Variants in DIAPH3 observed in about 807,000 individuals in gnomAD.
The protein encoded by DIAPH3 is protein diaphanous homolog 3.
A neutral mutation model predicts 144.3 loss-of-function variants in DIAPH3; 117 were observed. The observed-to-expected ratio is 0.81, with a 90% CI of 0.70 to 0.95. The LOEUF (loss-of-function observed/expected upper bound fraction) is 0.95, where lower values mean the gene tolerates loss of function less well. Ranked by LOEUF, DIAPH3 falls within the 40% of genes least tolerant of loss-of-function variation. DIAPH3 has a pLI of 0.00. For synonymous variants in DIAPH3, 519 were observed against 488.9 expected, an observed-to-expected ratio of 1.06 and a Z score of -0.81; for missense variants, 1,421 against 1,412.7, an observed-to-expected ratio of 1.01 and a Z score of -0.09.
At chr13:60,067,797 C>T (rs979242014) in intron 4 of DIAPH3, among the ~76,000 whole-genome samples, 2 of 152,080 alleles carry the variant, frequency 1.3e-5, no homozygotes, top group African/African-American at 4.8e-5. Flanking sequence ...CATAGCAACA[C>T]ACTTTTTTGC....
At chr13:59,869,897 G>A (rs860570) in intron 21 of DIAPH3, among the ~76,000 whole-genome samples, 102,001 of 152,006 alleles carry the variant, frequency 0.67, 35,915 homozygotes, top group East Asian at 0.89. Context: ...CCTTTATCAG[G>A]TATGTGTTTT....
At chr13:59,779,281 A>T (rs1457468989) in intron 25 of DIAPH3, among the ~76,000 whole-genome samples, 1 of 152,232 alleles carries the variant, frequency 6.6e-6, no homozygotes, top group East Asian at 1.9e-4. Context: ...TATTATATAC[A>T]TAATCATTCC....
Position 60,008,590 on chromosome 13 carries a change from A to C in DIAPH3, c.968T>G (p.Phe323Cys). ...SAGEEKKIDR[F>C]FCIVEGLRHN... Reference sequence around the variant, plus strand: ...CCGGAGGCCTTCCACAATACAAAAAAATCTGTCAATTTTTTTTTCTTCACC... The same window carrying C: ...CCGGAGGCCTTCCACAATACAAAAACATCTGTCAATTTTTTTTTCTTCACC... The change falls in exon 9 of 28, where the codon TTT (phenylalanine) becomes TGT (cysteine). Residue 323 changes from phenylalanine (F) to cysteine (C), a missense_variant. Transcript: ENST00000400324. 6.2e-7 allele frequency: 1 copy of C among 1,613,780 alleles called. No individual in the cohort carries two copies. The highest frequency in any genetic ancestry group is 1.3e-5 in the African/African-American group (1 of 75,012).
chr13:59,905,494 C>A (rs1023102035), intron 20 of DIAPH3, among the ~76,000 whole-genome samples: 4 of 152,006 alleles, frequency 2.6e-5, no homozygotes, highest in African/African-American at 9.7e-5. Flanking sequence ...TCTTCACTCT[C>A]AATTTATTTA....
intron 25 of DIAPH3, among the ~76,000 whole-genome samples, chr13:59,795,362 C>A (rs1411830796): frequency 2.6e-5 from 4 of 152,004 alleles, no homozygotes; most frequent in Admixed American, 1.3e-4. Flanking sequence ...TACTATAGGG[C>A]CTGGCCACCA....
chr13:59,987,927 T>TC lies in DIAPH3; in HGVS notation c.1361+3230dup, dbSNP rs369337967. 3.3e-3 allele frequency among the ~76,000 whole-genome samples: 502 copies of TC among 151,946 alleles called. 2 individuals carry two copies. Among genetic ancestry groups the TC allele is most frequent in the African/African-American group, 0.011 (462 of 41,526 alleles). ...GTACTATTCTAATGAAGCACAGTCC[T>TC]CCATCTCAGATCATCCCCTAGAACT... is the stretch of plus-strand genomic sequence containing the variant. On this transcript the variant is annotated intron_variant, in intron 12 of 27. Coordinates refer to ENST00000400324, the MANE Select transcript of DIAPH3 (RefSeq NM_001042517.2).
chr13:60,138,600 A>G (rs1201988104), intron 1 of DIAPH3, among the ~76,000 whole-genome samples: 1 of 152,248 alleles, frequency 6.6e-6, no homozygotes, highest in Non-Finnish European at 1.5e-5. Flanking sequence ...TACCAATTGC[A>G]TCATTTATTT....
intron 25 of DIAPH3, among the ~76,000 whole-genome samples, chr13:59,779,115 T>A (rs1211881442): frequency 6.6e-6 from 1 of 152,192 alleles, no homozygotes; most frequent in Admixed American, 6.5e-5. Context: ...TCCATCACTG[T>A]CCACCTGGAA....
rs925403345 is a variant in DIAPH3 at position 59,982,289 on chromosome 13, C to T, written c.1481-1430G>A. Among the ~76,000 whole-genome samples, 12 of 151,266 alleles carry T rather than the reference C, an allele frequency of 7.9e-5. No homozygotes were observed. In the Admixed American group the frequency reaches 7.9e-4, roughly 10 times the overall value. ...CTTCTCAAGAGCTCAGTGAAAAAAACCTCTCAGCTGCCATTCCTAAATGAC... is the reference window on the plus strand; with the variant it reads ...CTTCTCAAGAGCTCAGTGAAAAAAATCTCTCAGCTGCCATTCCTAAATGAC... On this transcript the variant is annotated intron_variant, in intron 13 of 27. Transcript: ENST00000400324.
intron 18 of DIAPH3, 80 bp downstream of exon 18, chr13:59,924,695 A>G (rs1198119624): frequency 6.6e-7 from 1 of 1,524,614 alleles, no homozygotes; most frequent in Non-Finnish European, 8.9e-7. Context: ...CAAATAATGA[A>G]TAATCGGTCT....
At chr13:60,010,480 T>C in intron 8 of DIAPH3, 53 bp downstream of exon 8, 1 of 1,483,166 alleles carries the variant, frequency 6.7e-7, no homozygotes. Context: ...ATTAAATGAA[T>C]CAATCTGTAT....
chr13:60,140,315 A>AT (rs1261445368), intron 1 of DIAPH3, among the ~76,000 whole-genome samples: 19 of 152,244 alleles, frequency 1.2e-4, no homozygotes, highest in Admixed American at 1.2e-3. Flanking sequence ...TAACCTAATA[A>AT]TTCTACTTCT....
rs35707483 is a variant in DIAPH3 at position 60,023,850 on chromosome 13, C to CTTTTTT, written c.627-7711_627-7706dup. Among the ~76,000 whole-genome samples, 37 of 68,886 alleles carry CTTTTTT rather than the reference C, an allele frequency of 5.4e-4. 1 individual carries two copies. Among genetic ancestry groups the CTTTTTT allele is most frequent in the South Asian group, 1.3e-3 (2 of 1,544 alleles). 45.2% of individuals were successfully genotyped at this position (68,886 alleles called of 152,430 possible). A position where few individuals can be genotyped will look rare whatever the true frequency, so the allele number is the denominator to read the frequency against. ...TTGCCAAATTTGGGGACTATTCAGC[C>CTTTTTT]TTTTTTTTTTTTTTTTTTTTTTTGA... On this transcript the variant is annotated intron_variant, in intron 5 of 27. Coordinates refer to ENST00000400324, the MANE Select transcript of DIAPH3 (RefSeq NM_001042517.2).
At position 59,839,493 on chromosome 13, in the gene DIAPH3, T is replaced by C. The variant is rs755557219; in HGVS notation, c.2738-45A>G. The stretch of plus-strand genomic sequence containing the variant: ...ATGCCCGGAAAGGACAAAATTATAA[T>C]ATATAAAAGGTAAGACACCCTAGAA... On this transcript the variant is annotated intron_variant, in intron 22 of 27. Coordinates refer to ENST00000400324, the MANE Select transcript of DIAPH3 (RefSeq NM_001042517.2). 1.1e-5 allele frequency: 18 copies of C among 1,592,492 alleles called. 1 individual carries two copies. Among genetic ancestry groups the C allele is most frequent in the Middle Eastern group, 3.4e-4 (2 of 5,970 alleles).
At chr13:59,724,071 A>G (rs342583) in intron 27 of DIAPH3, among the ~76,000 whole-genome samples, 111,771 of 151,896 alleles carry the variant, frequency 0.74, 41,454 homozygotes, top group East Asian at 0.88. Flanking sequence ...ACCAGCAAGT[A>G]TGGGTAGGGT....
intron 5 of DIAPH3, among the ~76,000 whole-genome samples, chr13:60,024,319 C>G (rs934905735): frequency 6.6e-6 from 1 of 152,126 alleles, no homozygotes; most frequent in African/African-American, 2.4e-5. Context: ...AGACTATATA[C>G]TTTCTATCAT....
chr13:59,691,624 TG>T (rs2033528819), intron 27 of DIAPH3, among the ~76,000 whole-genome samples: 3 of 152,150 alleles, frequency 2.0e-5, no homozygotes, highest in Non-Finnish European at 4.4e-5. Context: ...AATTTCAGTC[TG>T]TATATAGATC....
chr13:60,139,383 T>G (rs1023884037), intron 1 of DIAPH3, among the ~76,000 whole-genome samples: 1 of 152,158 alleles, frequency 6.6e-6, no homozygotes, highest in African/African-American at 2.4e-5. Context: ...TTTAATCTGC[T>G]CATTTATTCA....
At chr13:59,685,835 A>C (rs2033185244) in intron 27 of DIAPH3, among the ~76,000 whole-genome samples, 1 of 152,158 alleles carries the variant, frequency 6.6e-6, no homozygotes, top group Non-Finnish European at 1.5e-5. Context: ...AGTAAGAAAA[A>C]ATAAAGTTCT....
Sources: gnomAD v4.1 joint callset for allele counts (sites outside exome capture counted in the v4.1 genomes callset) on GRCh38, gnomAD v4.1.1 for gene constraint, MANE v1.5 for transcripts, NCBI Gene and HGNC (gene_info 2026-07-23, HGNC 2026-07-21) for gene names.